CCDC192: variants seen among roughly 807,000 people sequenced by gnomAD.
CCDC192 encodes coiled-coil domain containing 192.
intron 2 of CCDC192, among the ~76,000 whole-genome samples, chr5:127,713,608 C>T (rs1454450123): frequency 6.6e-6 from 1 of 152,124 alleles, no homozygotes; most frequent in Non-Finnish European, 1.5e-5. Flanking sequence ...CACGCTTTGA[C>T]ATCTGATCTA....
At chr5:127,709,160 AGGGGGAGAGG>A (rs1751151665) in intron 2 of CCDC192, among the ~76,000 whole-genome samples, 1 of 87,552 alleles carries the variant, frequency 1.1e-5, no homozygotes, top group Non-Finnish European at 2.3e-5. Context: ...AGAGAGAGAG[AGGGGGAGAGG>A]GGGAGAGAGG....
chr5:127,841,025 C>A (rs1453373374), intron 5 of CCDC192, among the ~76,000 whole-genome samples: 1 of 152,096 alleles, frequency 6.6e-6, no homozygotes, highest in Non-Finnish European at 1.5e-5. Flanking sequence ...TAGAACAAAT[C>A]TTGTATAGAA....
At chr5:127,927,037 G>T (rs1284486714) in intron 6 of CCDC192, among the ~76,000 whole-genome samples, 3 of 152,282 alleles carry the variant, frequency 2.0e-5, no homozygotes, top group Admixed American at 6.5e-5. Context: ...ATTGGATTTG[G>T]TGGCATTGGT....
chr5:127,733,054 C>A (rs1580550561), intron 2 of CCDC192, among the ~76,000 whole-genome samples: 1 of 152,126 alleles, frequency 6.6e-6, no homozygotes, highest in African/African-American at 2.4e-5. Flanking sequence ...AGAGATGGAA[C>A]AGATCAATTA....
chr5:127,863,051 A>G (rs910933677), intron 5 of CCDC192, among the ~76,000 whole-genome samples: 4 of 152,240 alleles, frequency 2.6e-5, no homozygotes, highest in Non-Finnish European at 5.9e-5. Context: ...GATGGCTTCA[A>G]AATGTCTTCC....
chr5:127,794,071 T>C (rs1757028502), intron 3 of CCDC192, among the ~76,000 whole-genome samples: 1 of 152,222 alleles, frequency 6.6e-6, no homozygotes. Context: ...TCGCGTCTGG[T>C]CGGTGACAGA....
At chr5:127,773,698 C>A (rs532692442) in intron 3 of CCDC192, among the ~76,000 whole-genome samples, 3 of 152,252 alleles carry the variant, frequency 2.0e-5, no homozygotes, top group Admixed American at 2.0e-4. Flanking sequence ...CATTTGGTTT[C>A]CAACTTTTAG....
chr5:127,844,810 C>A (rs1238695669), intron 5 of CCDC192, among the ~76,000 whole-genome samples: 1 of 152,220 alleles, frequency 6.6e-6, no homozygotes, highest in East Asian at 1.9e-4. Flanking sequence ...AATATTCTGG[C>A]AGCTGACACC....
intron 3 of CCDC192, among the ~76,000 whole-genome samples, chr5:127,759,272 C>T (rs1754781911): frequency 6.6e-6 from 1 of 152,098 alleles, no homozygotes; most frequent in South Asian, 2.1e-4. Context: ...ATGTTTCTGT[C>T]CCCCTGCCAA....
At chr5:127,838,356 A>T (rs917503964) in intron 5 of CCDC192, 1 of 152,242 alleles carries the variant, frequency 6.6e-6, no homozygotes, top group African/African-American at 2.4e-5. Context: ...AAATGGAAAG[A>T]TGTTATTAAA....
At chr5:127,710,328 A>G (rs1751251587) in intron 2 of CCDC192, among the ~76,000 whole-genome samples, 1 of 152,050 alleles carries the variant, frequency 6.6e-6, no homozygotes, top group Admixed American at 6.6e-5. Context: ...TTGCAGGTGG[A>G]TCTCAGTTGC....
upstream of CCDC192, among the ~76,000 whole-genome samples, chr5:127,702,416 C>A (rs563254937): frequency 1.3e-5 from 2 of 152,238 alleles, no homozygotes; most frequent in East Asian, 1.9e-4. Flanking sequence ...GAACAACAAC[C>A]GCTCAATAGT....
At chr5:127,739,793 G>A (rs36170620) in intron 2 of CCDC192, 47,931 of 153,122 alleles carry the variant, frequency 0.31, 8,329 homozygotes, top group Middle Eastern at 0.4. Context: ...TTCGGCTCGC[G>A]CATGGTGTGC....
chr5:127,779,753 G>C (rs1756083353), intron 3 of CCDC192, among the ~76,000 whole-genome samples: 1 of 151,790 alleles, frequency 6.6e-6, no homozygotes. Context: ...TTTTCCATAG[G>C]TTATTGGGGG....
chr5:127,843,934 T>C (rs1750415855), intron 5 of CCDC192, among the ~76,000 whole-genome samples: 1 of 152,264 alleles, frequency 6.6e-6, no homozygotes, highest in African/African-American at 2.4e-5. Flanking sequence ...TTTAACTGTT[T>C]TAATCTTCTT....
chr5:127,919,166 C>T (rs139117268), intron 6 of CCDC192, among the ~76,000 whole-genome samples: 6 of 151,592 alleles, frequency 4.0e-5, no homozygotes, highest in African/African-American at 7.3e-5. Context: ...CAGTAGCTCT[C>T]GGAAAATGAT....
At chr5:127,840,218 G>A (rs147556736) in intron 5 of CCDC192, among the ~76,000 whole-genome samples, 2 of 152,134 alleles carry the variant, frequency 1.3e-5, no homozygotes, top group South Asian at 4.1e-4. Context: ...ACATTACATA[G>A]GATTCTTGGA....
intron 5 of CCDC192, among the ~76,000 whole-genome samples, chr5:127,801,715 T>C (rs1237874049): frequency 2.6e-5 from 4 of 152,190 alleles, no homozygotes; most frequent in Non-Finnish European, 4.4e-5. Context: ...CAGCCTCCTT[T>C]AGATACATCT....
rs151222968 is a variant in CCDC192 at position 127,778,138 on chromosome 5, G to C, written c.223-18965G>C. 6.6e-3 allele frequency among the ~76,000 whole-genome samples: 1,009 copies of C among 152,214 alleles called. 16 individuals carry two copies. Among genetic ancestry groups the C allele is most frequent in the African/African-American group, 0.023 (936 of 41,522 alleles). On this transcript the variant is annotated intron_variant, in intron 3 of 6. Coordinates refer to ENST00000514853, the MANE Select transcript of CCDC192 (RefSeq NM_001317938.2). ...TTTGTTCATATCATAGCTCTAGCTA[G>C]GACTTTCAGTACAAGGTTGAGTAAC... is the stretch of plus-strand genomic sequence containing the variant.
Sources: gnomAD v4.1 joint callset for allele counts (sites outside exome capture counted in the v4.1 genomes callset) on GRCh38, gnomAD v4.1.1 for gene constraint, MANE v1.5 for transcripts, NCBI Gene and HGNC (gene_info 2026-07-23, HGNC 2026-07-21) for gene names.